Variants in RHOA observed in about 807,000 individuals in gnomAD.
RHOA encodes the protein ras homolog family member A.
RHOA carries 3 observed loss-of-function variants against 17.5 expected under a neutral mutation model. That is an observed-to-expected ratio of 0.17 (90% CI 0.08 to 0.44). RHOA has a LOEUF of 0.44. Among genes scored for constraint, RHOA ranks in the 20% least tolerant of loss-of-function variants. The pLI is 0.99. For missense variants in RHOA, 56 were observed against 242.3 expected, an observed-to-expected ratio of 0.23 and a Z score of 5.10; for synonymous variants, 98 against 88.4, an observed-to-expected ratio of 1.11 and a Z score of -0.61.
At chr3:49,362,123 GTTGCAGTGAGCTGAGA>G (rs1292823635) in intron 4 of RHOA, among the ~76,000 whole-genome samples, 1 of 151,232 alleles carries the variant, frequency 6.6e-6, no homozygotes, top group Non-Finnish European at 1.5e-5. Flanking sequence ...GGAGGCGGAG[GTTGCAGTGAGCTGAGA>G]TTGCGCCACT....
At chr3:49,401,381 G>A (rs919327803) in intron 1 of RHOA, among the ~76,000 whole-genome samples, 3 of 151,984 alleles carry the variant, frequency 2.0e-5, no homozygotes, top group Admixed American at 6.6e-5. Flanking sequence ...GGACAGGCAA[G>A]GTAGCTTATG....
Position 49,362,620 on chromosome 3 carries a change from A to G in RHOA, c.284T>C (p.Ile95Thr). ...GACTTCTGGGGTCCACTTTTCTGGG[A>G]TGTTTTCTGAAAGAAAAATGTAGAG... ...SIDSPDSLEN[I>T]PEKWTPEVKH... The change falls in exon 4 of 5, where the codon ATC becomes ACC. Residue 95 changes from isoleucine to threonine, a missense_variant. Ile to Thr is a moderately conservative substitution (Grantham distance 89). Transcript: ENST00000418115. 6.2e-7 allele frequency: 1 copy of G among 1,609,694 alleles called. No homozygotes were observed. The highest frequency in any genetic ancestry group is 8.5e-7 in the Non-Finnish European group (1 of 1,177,890).
intron 4 of RHOA, among the ~76,000 whole-genome samples, chr3:49,361,471 A>G (rs1166104597): frequency 1.3e-5 from 2 of 152,196 alleles, no homozygotes; most frequent in African/African-American, 2.4e-5. Flanking sequence ...AGGAGAGGGA[A>G]GGCATTAGGG....
rs1167181083 is a variant in RHOA, at chr3:49,399,349, G to A, written c.-3+12471C>T. Among the ~76,000 whole-genome samples, 8 of 148,458 alleles carry A rather than the reference G, an allele frequency of 5.4e-5. No homozygotes were observed. The South Asian group carries it at 6.3e-4, about 12-fold the overall frequency. On this transcript the variant is annotated intron_variant, in intron 1 of 4. Coordinates refer to ENST00000418115, the MANE Select transcript of RHOA (RefSeq NM_001664.4). ...CGCACCACTGCACTGCAGCCTGGGC[G>A]ACAGAGCGAGACTCTGTCTCAAAAA...
chr3:49,400,745 T>C (rs1296203074), intron 1 of RHOA, among the ~76,000 whole-genome samples: 1 of 150,060 alleles, frequency 6.7e-6, no homozygotes, highest in Non-Finnish European at 1.5e-5. Context: ...GGGGATGGTA[T>C]ATAAAAGGGT....
chr3:49,372,733 C>CAAAAAA (rs11460016), intron 2 of RHOA, among the ~76,000 whole-genome samples: 1 of 83,108 alleles, frequency 1.2e-5, no homozygotes, highest in African/African-American at 4.3e-5. Context: ...GACTCTGTCT[C>CAAAAAA]AAAAAAAAAA....
intron 1 of RHOA, among the ~76,000 whole-genome samples, chr3:49,390,918 AC>A (rs2048491500): frequency 6.6e-6 from 1 of 151,998 alleles, no homozygotes; most frequent in Non-Finnish European, 1.5e-5. Flanking sequence ...CCCCGTCTCT[AC>A]TAAAAATACA....
intron 1 of RHOA, among the ~76,000 whole-genome samples, chr3:49,404,656 C>T (rs1184220387): frequency 2.1e-5 from 3 of 141,412 alleles, no homozygotes; most frequent in Admixed American, 7.4e-5. Flanking sequence ...AGGCCAGGCA[C>T]GGTGGCTCAC....
chr3:49,406,969 C>A (rs557399604), intron 1 of RHOA, among the ~76,000 whole-genome samples: 1 of 152,038 alleles, frequency 6.6e-6, no homozygotes, highest in African/African-American at 2.4e-5. Context: ...ATGGTGAGAT[C>A]CCGTCTTTAC....
rs766538557 is a variant in RHOA, at chr3:49,360,196, T to G, written c.*13A>C. 3.1e-6 allele frequency: 5 copies of G among 1,611,994 alleles called. No homozygotes were observed. In the Admixed American group the frequency reaches 6.7e-5, roughly 22 times the overall value. On this transcript the variant is annotated 3_prime_UTR_variant, in exon 5 of 5. Transcript: ENST00000418115. The stretch of plus-strand genomic sequence containing the variant: ...AAAATTAACCGCATAAGGGCTGTGC[T>G]TGCAGCAAGGTTTCACAAGACAAGG...
intron 1 of RHOA, among the ~76,000 whole-genome samples, chr3:49,383,277 G>A (rs562918445): frequency 2.5e-4 from 38 of 151,618 alleles, no homozygotes; most frequent in African/African-American, 8.9e-4. Context: ...AAAATTAGCC[G>A]GGCATGGTGG....
At chr3:49,368,274 C>T (rs1011540571) in intron 3 of RHOA, among the ~76,000 whole-genome samples, 154 bp downstream of exon 3, 1 of 152,184 alleles carries the variant, frequency 6.6e-6, no homozygotes, top group South Asian at 2.1e-4. Context: ...GACCCAAGGC[C>T]CACGCTCTAC....
chr3:49,388,834 CCTAT>C (rs2048446311), intron 1 of RHOA, among the ~76,000 whole-genome samples: 1 of 152,138 alleles, frequency 6.6e-6, no homozygotes, highest in Admixed American at 6.6e-5. Context: ...ACAAAACAAT[CCTAT>C]CTAAGCTACA....
intron 2 of RHOA, among the ~76,000 whole-genome samples, chr3:49,374,670 T>A (rs1248754420): frequency 6.6e-6 from 1 of 151,488 alleles, no homozygotes. Flanking sequence ...TGCAGCGAGC[T>A]GAGATTGTAC....
At chr3:49,375,860 T>G (rs778905751) in intron 1 of RHOA, among the ~76,000 whole-genome samples, 25 of 152,208 alleles carry the variant, frequency 1.6e-4, no homozygotes, top group Non-Finnish European at 3.2e-4. Context: ...ACTTCTTTTT[T>G]TTTTTGAGAC....
At chr3:49,390,712 A>G (rs1293227245) in intron 1 of RHOA, among the ~76,000 whole-genome samples, 1 of 152,192 alleles carries the variant, frequency 6.6e-6, no homozygotes, top group Non-Finnish European at 1.5e-5. Flanking sequence ...AAAATTTACA[A>G]ATTTTGATAG....
chr3:49,390,269 G>A (rs544856182), intron 1 of RHOA, among the ~76,000 whole-genome samples: 1 of 152,074 alleles, frequency 6.6e-6, no homozygotes, highest in Non-Finnish European at 1.5e-5. Flanking sequence ...TGAGTAGCTG[G>A]GACTACAGGC....
intron 1 of RHOA, among the ~76,000 whole-genome samples, chr3:49,407,509 C>CA (rs2048854519): frequency 6.6e-6 from 1 of 152,172 alleles, no homozygotes; most frequent in Non-Finnish European, 1.5e-5. Context: ...GCTGGGATTA[C>CA]AGGCATCAGC....
chr3:49,364,345 C>T (rs1398818199), intron 3 of RHOA, among the ~76,000 whole-genome samples: 2 of 152,066 alleles, frequency 1.3e-5, no homozygotes, highest in Non-Finnish European at 2.9e-5. Flanking sequence ...ATTAGCTGGG[C>T]GTGGTGGCAC....
Sources: gnomAD v4.1 joint callset for allele counts (sites outside exome capture counted in the v4.1 genomes callset) on GRCh38, gnomAD v4.1.1 for gene constraint, MANE v1.5 for transcripts, NCBI Gene and HGNC (gene_info 2026-07-23, HGNC 2026-07-21) for gene names.